The following GABRB1 variants were observed in gnomAD, a reference collection of about 807,000 sequenced individuals.
The protein encoded by GABRB1 is gamma-aminobutyric acid receptor subunit beta-1.
In GABRB1, 17 loss-of-function variants were observed where a neutral mutation model predicts 51.6. That is an observed-to-expected ratio of 0.33 (90% confidence interval 0.23 to 0.49). The LOEUF is 0.49. Ranked by LOEUF, GABRB1 falls within the 20% of genes least tolerant of loss-of-function variation. The probability of loss-of-function intolerance (pLI) is 0.99; values close to 1 mark genes in which losing one functional copy is unlikely to be tolerated. For missense variants in GABRB1, 410 were observed against 600.6 expected, an observed-to-expected ratio of 0.68 and a Z score of 3.32; for synonymous variants, 247 against 218.9, an observed-to-expected ratio of 1.13 and a Z score of -1.14.
intron 3 of GABRB1, among the ~76,000 whole-genome samples, chr4:47,081,232 A>G (rs1727829479): frequency 6.6e-6 from 1 of 152,176 alleles, no homozygotes; most frequent in African/African-American, 2.4e-5. Context: ...ATTATGGGGT[A>G]TAGCAGTGGA....
intron 3 of GABRB1, among the ~76,000 whole-genome samples, chr4:47,047,046 G>A (rs765413993): frequency 1.1e-4 from 17 of 152,148 alleles, no homozygotes; most frequent in Middle Eastern, 3.4e-3. Flanking sequence ...TGGGTACTAG[G>A]CTTAACACCT....
intron 5 of GABRB1, among the ~76,000 whole-genome samples, chr4:47,329,800 G>A (rs922256245): frequency 6.6e-6 from 1 of 151,032 alleles, no homozygotes; most frequent in African/African-American, 2.4e-5. Flanking sequence ...CAGAGAGAGA[G>A]AGAAAGATAG....
In GABRB1 at chr4:47,175,288, C is replaced by A. The variant is rs939835241; in HGVS notation, c.461+13819C>A. On this transcript the variant is annotated intron_variant, in intron 4 of 8. Coordinates refer to ENST00000295454, the MANE Select transcript of GABRB1 (RefSeq NM_000812.4). ...GCTCAGGCTTGTCTCAAACTCCTGG[C>A]CTCAAGCAATCCTCTGCCTTGGCCT... Among the ~76,000 whole-genome samples the A allele has an allele frequency of 9.9e-5, 15 of 151,844 alleles. 1 individual carries two copies. Among genetic ancestry groups the A allele is most frequent in the Admixed American group, 6.6e-4 (10 of 15,228 alleles).
intron 4 of GABRB1, among the ~76,000 whole-genome samples, chr4:47,287,934 C>T (rs1307010066): frequency 6.6e-6 from 1 of 152,166 alleles, no homozygotes; most frequent in Admixed American, 6.5e-5. Context: ...GAGTATGACT[C>T]ATCACTCAGT....
At chr4:47,212,006 T>C (rs143445043) in intron 4 of GABRB1, among the ~76,000 whole-genome samples, 3 of 152,246 alleles carry the variant, frequency 2.0e-5, no homozygotes, top group Non-Finnish European at 4.4e-5. Context: ...TAAGGTAACA[T>C]TCACAGGTTC....
chr4:47,098,191 T>G (rs921118892), intron 3 of GABRB1, among the ~76,000 whole-genome samples: 1 of 147,548 alleles, frequency 6.8e-6, no homozygotes, highest in South Asian at 2.1e-4. Context: ...CACACACACA[T>G]GTTTTTCAGT....
chr4:47,309,841 T>C (rs996395013), intron 4 of GABRB1, among the ~76,000 whole-genome samples: 18 of 152,184 alleles, frequency 1.2e-4, no homozygotes, highest in Non-Finnish European at 2.1e-4. Flanking sequence ...TATGGCCACA[T>C]GTTACTCTGA....
At chr4:47,221,366 C>T (rs1344735566) in intron 4 of GABRB1, among the ~76,000 whole-genome samples, 4 of 151,966 alleles carry the variant, frequency 2.6e-5, no homozygotes, top group East Asian at 3.9e-4. Flanking sequence ...CCATTCTAAG[C>T]ACCTACAAGT....
intron 3 of GABRB1, among the ~76,000 whole-genome samples, chr4:47,131,982 T>C (rs1716436618): frequency 6.6e-6 from 1 of 152,222 alleles, no homozygotes; most frequent in South Asian, 2.1e-4. Context: ...GACAATCTGT[T>C]GACTACTGCC....
intron 3 of GABRB1, among the ~76,000 whole-genome samples, chr4:47,052,267 A>G (rs1218019128): frequency 6.6e-6 from 1 of 152,176 alleles, no homozygotes; most frequent in Non-Finnish European, 1.5e-5. Context: ...TCACTACTGA[A>G]AAGGAACATG....
intron 5 of GABRB1, among the ~76,000 whole-genome samples, chr4:47,344,121 G>A (rs1363747800): frequency 6.6e-6 from 1 of 152,104 alleles, no homozygotes; most frequent in Non-Finnish European, 1.5e-5. Context: ...GAAATTTGAA[G>A]GCTCACTGAG....
intron 4 of GABRB1, among the ~76,000 whole-genome samples, chr4:47,206,004 T>C (rs1206188213): frequency 6.6e-6 from 1 of 152,002 alleles, no homozygotes; most frequent in Non-Finnish European, 1.5e-5. Flanking sequence ...AAAAGAACCA[T>C]GGAGATTTTC....
intron 3 of GABRB1, among the ~76,000 whole-genome samples, chr4:47,116,786 G>A (rs1313093205): frequency 6.6e-6 from 1 of 152,114 alleles, no homozygotes; most frequent in Non-Finnish European, 1.5e-5. Context: ...AAGAAAAGAG[G>A]TTTAATTGAC....
chr4:47,294,316 G>A (rs189046070), intron 4 of GABRB1, among the ~76,000 whole-genome samples: 40 of 152,326 alleles, frequency 2.6e-4, no homozygotes, highest in Admixed American at 9.8e-4. Context: ...TGCCTCACTC[G>A]GAAAGCACAA....
intron 3 of GABRB1, among the ~76,000 whole-genome samples, chr4:47,100,132 G>A (rs1249243840): frequency 6.6e-6 from 1 of 151,814 alleles, no homozygotes; most frequent in African/African-American, 2.4e-5. Context: ...CAAGGAATGG[G>A]GACCTATTTC....
intron 1 of GABRB1, among the ~76,000 whole-genome samples, chr4:47,022,254 G>A (rs903180179): frequency 6.6e-6 from 1 of 151,928 alleles, no homozygotes; most frequent in Non-Finnish European, 1.5e-5. Context: ...CTTGCTAAAA[G>A]GATCTAATGG....
rs116416558 is a variant in GABRB1 at position 47,353,608 on chromosome 4, G to A, written c.544+33399G>A. On this transcript the variant is annotated intron_variant, in intron 5 of 8. Transcript: ENST00000295454. ...CCTTTCTTAATAGTAAAATGGGAATGAATACCTATCTTGAAATATCATTGA... is the reference window on the plus strand; with the variant it reads ...CCTTTCTTAATAGTAAAATGGGAATAAATACCTATCTTGAAATATCATTGA... Among the ~76,000 whole-genome samples, 466 of 152,240 alleles carry A rather than the reference G, an allele frequency of 3.1e-3. 4 individuals carry two copies. Among genetic ancestry groups the A allele is most frequent in the African/African-American group, 0.011 (441 of 41,534 alleles).
At chr4:47,375,908 G>A (rs1460017533) in intron 5 of GABRB1, among the ~76,000 whole-genome samples, 1 of 152,148 alleles carries the variant, frequency 6.6e-6, no homozygotes, top group Admixed American at 6.5e-5. Flanking sequence ...GGAGCAGGAG[G>A]GTACCAGAAG....
intron 1 of GABRB1, among the ~76,000 whole-genome samples, chr4:47,025,981 A>T (rs1327367677): frequency 1.3e-5 from 2 of 151,940 alleles, no homozygotes; most frequent in Non-Finnish European, 2.9e-5. Context: ...GAATTTCAAG[A>T]TCTAGCAGAA....
Sources: allele counts gnomAD v4.1 joint callset (sites outside exome capture counted in the v4.1 genomes callset), GRCh38; gene constraint gnomAD v4.1.1; transcripts MANE v1.5; gene names NCBI Gene and HGNC (gene_info 2026-07-23, HGNC 2026-07-21).